The following SOBP variants were observed in gnomAD, a reference collection of about 807,000 sequenced individuals.
SOBP encodes the protein sine oculis-binding protein homolog.
A neutral mutation model predicts 53.6 loss-of-function variants in SOBP; 4 were observed. That is an observed-to-expected ratio of 0.07 (90% CI 0.04 to 0.17). The LOEUF (loss-of-function observed/expected upper bound fraction) is 0.17, where lower values mean the gene tolerates loss of function less well. SOBP is among the 10% of genes least tolerant of loss of function. The probability of loss-of-function intolerance (pLI) is 1.00; values close to 1 mark genes in which losing one functional copy is unlikely to be tolerated. For missense variants in SOBP, 1,088 were observed against 1,204.7 expected (o/e 0.90, Z 1.43); for synonymous variants, 584 against 522.6 (o/e 1.12, Z -1.60).
intron 5 of SOBP, among the ~76,000 whole-genome samples, chr6:107,606,579 C>G (rs746942394): frequency 6.6e-6 from 1 of 152,072 alleles, no homozygotes. Flanking sequence ...GGGGAAAAGG[C>G]GAGGCAGCTA....
At chr6:107,595,958 C>T (rs4257893) in intron 5 of SOBP, among the ~76,000 whole-genome samples, 57,569 of 152,034 alleles carry the variant, frequency 0.38, 12,238 homozygotes, top group East Asian at 0.86. Context: ...AAAATATTTT[C>T]CCTAATTGTA....
At chr6:107,526,928 G>A (rs1783681837) in intron 3 of SOBP, among the ~76,000 whole-genome samples, 2 of 152,248 alleles carry the variant, frequency 1.3e-5, no homozygotes, top group East Asian at 3.9e-4. Flanking sequence ...TTAAATTCTT[G>A]AAATAACTTC....
At chr6:107,647,543 C>T (rs1235374712) in intron 6 of SOBP, among the ~76,000 whole-genome samples, 2 of 152,246 alleles carry the variant, frequency 1.3e-5, no homozygotes, top group Non-Finnish European at 2.9e-5. Context: ...AACTTCTTCC[C>T]TTGGATGTGT....
Position 107,634,612 on chromosome 6 carries a change from G to A in SOBP, c.1768G>A (p.Gly590Ser), listed in dbSNP as rs1287620643. ...HSLSPRDSKQ[G>S]SSKSADSPPG... ...CCTGTCCCCCCGGGACTCCAAGCAG[G>A]GCTCGTCCAAGTCCGCGGACTCGCC... Residue 590 changes from glycine to serine, a missense_variant, in exon 6 of 7, where the codon GGC becomes AGC. Gly to Ser is a moderately conservative substitution (Grantham distance 56). This residue lies in a region of SOBP where 665 missense variants were observed against 629.7 expected (regional missense o/e 1.06). Coordinates refer to ENST00000317357, the MANE Select transcript of SOBP (RefSeq NM_018013.4). This position sits in a 1 kb window ranked among gnomAD's most constrained non-coding sequence, Gnocchi z 4.5. 2 of 1,597,840 alleles carry A rather than the reference G, an allele frequency of 1.3e-6. No homozygotes were observed. The highest frequency in any genetic ancestry group is 2.2e-5 in the South Asian group (2 of 90,440).
Position 107,633,822 on chromosome 6 carries a change from G to A in SOBP, c.978G>A (p.Pro326=). 4 of 1,613,924 alleles carry A rather than the reference G, an allele frequency of 2.5e-6. No homozygotes were observed. Among genetic ancestry groups the A allele is most frequent in the Non-Finnish European group, 3.4e-6 (4 of 1,179,978 alleles). Residue 326 remains proline, a synonymous_variant, in exon 6 of 7, where the codon CCG becomes CCA. Transcript: ENST00000317357. The stretch of plus-strand genomic sequence containing the variant: ...CTGGCCAAAGCCAGGGCCCTGGCCC[G>A]TCGGCGTCCACCACCGTCTCTCCAT... ...ATAGQSQGPG[P]SASTTVSPSD... is the part of the protein sequence containing the mutation.
intron 5 of SOBP, among the ~76,000 whole-genome samples, chr6:107,602,041 A>G (rs1157422511): frequency 6.6e-6 from 1 of 152,208 alleles, no homozygotes; most frequent in Non-Finnish European, 1.5e-5. Flanking sequence ...CTACTATAAC[A>G]CACCTGTAAT....
At chr6:107,609,594 A>T (rs1422535154) in intron 5 of SOBP, among the ~76,000 whole-genome samples, 2 of 152,188 alleles carry the variant, frequency 1.3e-5, no homozygotes, top group African/African-American at 4.8e-5. Flanking sequence ...TCAGTAACTG[A>T]TACATTTCCC....
chr6:107,622,674 C>A (rs925962509), intron 5 of SOBP, among the ~76,000 whole-genome samples: 6 of 152,060 alleles, frequency 3.9e-5, no homozygotes, highest in African/African-American at 1.4e-4. Context: ...AAATGACACA[C>A]CCCACAGACA....
At chr6:107,658,063 A>T (rs1772141522) in intron 6 of SOBP, 144 bp from the exon 7 acceptor site, 2 of 152,686 alleles carry the variant, frequency 1.3e-5, no homozygotes, top group African/African-American at 4.8e-5. Context: ...GCTGTGCTGC[A>T]GCGGTTCTGG....
At chr6:107,491,247 G>A (rs549355534) in intron 1 of SOBP, among the ~76,000 whole-genome samples, 1 of 152,286 alleles carries the variant, frequency 6.6e-6, no homozygotes, top group East Asian at 1.9e-4. Context: ...GAGAGGCGCG[G>A]GTCTGGGCAC....
chr6:107,555,711 GATTAA>G (rs1784590737), intron 4 of SOBP, among the ~76,000 whole-genome samples: 1 of 152,230 alleles, frequency 6.6e-6, no homozygotes, highest in Non-Finnish European at 1.5e-5. Context: ...TTAGTCACAT[GATTAA>G]ATTAATTAAA....
intron 6 of SOBP, among the ~76,000 whole-genome samples, chr6:107,648,923 T>C (rs1771676865): frequency 6.6e-6 from 1 of 152,158 alleles, no homozygotes; most frequent in African/African-American, 2.4e-5. Context: ...TGACTCCTAG[T>C]CTGGGCACAG....
chr6:107,498,453 T>C (rs571842863), intron 1 of SOBP, among the ~76,000 whole-genome samples: 80 of 152,368 alleles, frequency 5.3e-4, no homozygotes, highest in African/African-American at 1.7e-3. Flanking sequence ...GATTTTGAAG[T>C]ACTTGTGTTT....
At chr6:107,628,889 C>T (rs1770579682) in intron 5 of SOBP, among the ~76,000 whole-genome samples, 1 of 152,184 alleles carries the variant, frequency 6.6e-6, no homozygotes, top group Non-Finnish European at 1.5e-5. Flanking sequence ...CTGAGGCCCT[C>T]AGCTCATGCT....
chr6:107,532,861 G>C (rs999910617), intron 3 of SOBP, among the ~76,000 whole-genome samples: 5 of 152,172 alleles, frequency 3.3e-5, no homozygotes, highest in Non-Finnish European at 5.9e-5. Context: ...AGCCAGGCTT[G>C]TCCCTTTCCG....
chr6:107,496,406 C>T (rs182979771), intron 1 of SOBP, among the ~76,000 whole-genome samples: 56 of 152,194 alleles, frequency 3.7e-4, no homozygotes, highest in South Asian at 2.1e-4. Context: ...TGTATCACGA[C>T]GAGACAGTAA....
chr6:107,652,748 G>A (rs1466371771), intron 6 of SOBP, among the ~76,000 whole-genome samples: 2 of 152,006 alleles, frequency 1.3e-5, no homozygotes, highest in East Asian at 1.9e-4. Flanking sequence ...AGCCACCCCA[G>A]CCTTTGGCAA....
intron 4 of SOBP, among the ~76,000 whole-genome samples, chr6:107,538,270 A>G (rs969726814): frequency 2.6e-5 from 4 of 152,250 alleles, no homozygotes; most frequent in Admixed American, 6.5e-5. Flanking sequence ...CAAGTAGTAC[A>G]GAAGAAATGT....
chr6:107,600,301 G>A (rs1786132118), intron 5 of SOBP, among the ~76,000 whole-genome samples: 1 of 152,168 alleles, frequency 6.6e-6, no homozygotes, highest in Non-Finnish European at 1.5e-5. Flanking sequence ...TGCCGCGCCT[G>A]GTCAAGGCTG....
Sources: allele counts gnomAD v4.1 joint callset (sites outside exome capture counted in the v4.1 genomes callset), GRCh38; gene constraint gnomAD v4.1.1; regional missense constraint gnomAD v4.1.1; non-coding constraint Gnocchi (gnomAD v3.1); transcripts MANE v1.5; gene names NCBI Gene and HGNC (gene_info 2026-07-23, HGNC 2026-07-21).